Variants in CSNK1A1 observed in about 807,000 individuals in gnomAD.
The protein encoded by CSNK1A1 is casein kinase 1 alpha 1.
In CSNK1A1, 7 loss-of-function variants were observed where a neutral mutation model predicts 46.1. The observed-to-expected ratio is 0.15, with a 90% confidence interval of 0.09 to 0.29. The LOEUF is 0.29. CSNK1A1 is among the 10% of genes least tolerant of loss of function. CSNK1A1 has a pLI of 1.00. For missense variants in CSNK1A1, 96 were observed against 417.1 expected, an observed-to-expected ratio of 0.23 and a Z score of 6.71; for synonymous variants, 137 against 141.5, an observed-to-expected ratio of 0.97 and a Z score of 0.23.
At chr5:149,515,721 T>G (rs1460137897) in intron 4 of CSNK1A1, among the ~76,000 whole-genome samples, 1 of 152,184 alleles carries the variant, frequency 6.6e-6, no homozygotes, top group Non-Finnish European at 1.5e-5. Flanking sequence ...GCTTTGCTGT[T>G]TAAAACTAAT....
At chr5:149,548,519 G>T (rs1762550744) in intron 2 of CSNK1A1, among the ~76,000 whole-genome samples, 1 of 148,442 alleles carries the variant, frequency 6.7e-6, no homozygotes, top group Non-Finnish European at 1.5e-5. Context: ...GTTAGCCAAG[G>T]TTGCGCCACT....
In CSNK1A1 at chr5:149,503,045, C is replaced by T. The variant is rs369893645; in HGVS notation, c.1006+2402G>A. 1.5e-4 allele frequency: 146 copies of T among 982,540 alleles called. 1 individual carries two copies. In the South Asian group the frequency reaches 4.2e-3, roughly 29 times the overall value. The allele number at this position is 982,540 out of a possible 1,614,324, so 60.9% of individuals were successfully genotyped here. A position where few individuals can be genotyped will look rare whatever the true frequency, so the allele number is the denominator to read the frequency against. The stretch of plus-strand genomic sequence containing the variant: ...CCTCTCAAAGTGCTGGGATAACAGG[C>T]GTGAGCCACTGCACCCAGCTGAGTT... On this transcript the variant is annotated intron_variant, in intron 9 of 9. Coordinates refer to ENST00000377843, the MANE Select transcript of CSNK1A1 (RefSeq NM_001892.6).
chr5:149,549,245 T>C (rs1762582202), intron 2 of CSNK1A1: 1 of 494,352 alleles, frequency 2.0e-6, no homozygotes, highest in African/African-American at 1.9e-5. Flanking sequence ...TTAACATAGT[T>C]GGTGCTGCTC....
intron 9 of CSNK1A1, chr5:149,503,709 T>C: frequency 5.1e-6 from 5 of 985,394 alleles, no homozygotes; most frequent in South Asian, 4.7e-5. Flanking sequence ...AAGACATGGA[T>C]AGGGCAGGAC....
intron 7 of CSNK1A1, 88 bp downstream of exon 7, chr5:149,509,791 T>C (rs1761158268): frequency 1.1e-6 from 1 of 925,946 alleles, no homozygotes; most frequent in Non-Finnish European, 1.6e-6. Context: ...ACCTACTGCC[T>C]TGGCCTCCCA....
intron 6 of CSNK1A1, among the ~76,000 whole-genome samples, chr5:149,510,611 T>A (rs1176935280): frequency 6.6e-6 from 1 of 151,998 alleles, no homozygotes; most frequent in South Asian, 2.1e-4. Context: ...CCTGAGTAAT[T>A]GGGGCTACAG....
At position 149,493,592 on chromosome 5, in the gene CSNK1A1, GC is replaced by G. The variant is rs1315566316; in HGVS notation, c.*3260del. 6.0e-5 allele frequency: 9 copies of G among 150,626 alleles called. No individual in the cohort carries two copies. The highest frequency in any genetic ancestry group is 3.4e-3 in the Middle Eastern group (1 of 292). 9.3% of individuals were successfully genotyped at this position (150,626 alleles called of 1,614,324 possible). Reference sequence around the variant, plus strand: ...TAGATCAATTTACACTTGGTTCATCGCCATCTTTGGCTGTTTCAAACATACA... The same window carrying G: ...TAGATCAATTTACACTTGGTTCATCGCATCTTTGGCTGTTTCAAACATACA... On this transcript the variant is annotated 3_prime_UTR_variant, in exon 10 of 10. Transcript: ENST00000377843.
At chr5:149,546,812 TAATTC>T (rs1424723292) in intron 2 of CSNK1A1, among the ~76,000 whole-genome samples, 1 of 152,220 alleles carries the variant, frequency 6.6e-6, no homozygotes, top group Admixed American at 6.5e-5. Context: ...ATAGTCAACT[TAATTC>T]AATACTTTCC....
At chr5:149,524,717 A>G (rs983041769) in intron 3 of CSNK1A1, among the ~76,000 whole-genome samples, 2 of 152,184 alleles carry the variant, frequency 1.3e-5, no homozygotes, top group African/African-American at 2.4e-5. Context: ...CAAAATGTCA[A>G]TAAACATTTA....
At chr5:149,504,219 T>C in intron 9 of CSNK1A1, 2 of 985,430 alleles carry the variant, frequency 2.0e-6, no homozygotes, top group Non-Finnish European at 2.4e-6. Context: ...ACCTTCAACT[T>C]TGAATCCTTC....
chr5:149,498,765 C>T (rs1209029071), intron 9 of CSNK1A1: 2 of 985,056 alleles, frequency 2.0e-6, no homozygotes, highest in Non-Finnish European at 2.4e-6. Flanking sequence ...GGTGAATATA[C>T]CAAATGGCTT....
intron 6 of CSNK1A1, 148 bp from the exon 7 acceptor site, chr5:149,510,101 TA>T (rs199901240): frequency 7.5e-5 from 38 of 508,332 alleles, no homozygotes; most frequent in East Asian, 4.6e-4. Context: ...ATAATACATC[TA>T]AAAAAAATTT....
intron 5 of CSNK1A1, among the ~76,000 whole-genome samples, chr5:149,512,719 C>T (rs910745158): frequency 3.3e-5 from 5 of 152,162 alleles, no homozygotes; most frequent in African/African-American, 1.2e-4. Context: ...GCATTCTTCC[C>T]AAACTCAGCG....
chr5:149,528,582 A>G (rs1381413270), intron 2 of CSNK1A1, among the ~76,000 whole-genome samples: 3 of 152,086 alleles, frequency 2.0e-5, no homozygotes, highest in Admixed American at 6.5e-5. Context: ...CTTCACCTCC[A>G]TGCTTCCCAC....
At chr5:149,520,485 CAAAGACAGCGCT>C in intron 3 of CSNK1A1, 97 bp from the exon 4 acceptor site, 1 of 682,804 alleles carries the variant, frequency 1.5e-6, no homozygotes, top group Admixed American at 2.6e-5. Flanking sequence ...TTAGAGTTCA[CAAAGACAGCGCT>C]AAAGAAAATG....
chr5:149,538,469 C>T (rs963631712), intron 2 of CSNK1A1, among the ~76,000 whole-genome samples: 37 of 152,014 alleles, frequency 2.4e-4, no homozygotes, highest in African/African-American at 8.7e-4. Context: ...TCAGAGCTCT[C>T]GTTTGAAGAA....
At chr5:149,510,472 T>TTTTG (rs1011819061) in intron 6 of CSNK1A1, among the ~76,000 whole-genome samples, 6 of 151,834 alleles carry the variant, frequency 4.0e-5, no homozygotes, top group African/African-American at 1.5e-4. Flanking sequence ...TTCTTTGTTT[T>TTTTG]TTTGTTTGTT....
chr5:149,543,892 C>T lies in CSNK1A1; in HGVS notation c.230+6183G>A, dbSNP rs535382099. Among the ~76,000 whole-genome samples the T allele has an allele frequency of 9.2e-5, 14 of 151,948 alleles. No individual in the cohort carries two copies. The East Asian group carries it at 2.7e-3, about 29-fold the overall frequency. On this transcript the variant is annotated intron_variant, in intron 2 of 9. Transcript: ENST00000377843. Reference sequence around the variant, plus strand: ...CTCCGCCCGGGTGACAGAGCAAGAACCTGCCGCTAAAAATAAAAATAATAA... The same window carrying T: ...CTCCGCCCGGGTGACAGAGCAAGAATCTGCCGCTAAAAATAAAAATAATAA...
chr5:149,500,434 G>A (rs1395515641), intron 9 of CSNK1A1, among the ~76,000 whole-genome samples: 1 of 151,736 alleles, frequency 6.6e-6, no homozygotes, highest in African/African-American at 2.4e-5. Flanking sequence ...ACCGCGCCCG[G>A]CCCCAGCTAC....
Sources: allele counts gnomAD v4.1 joint callset (sites outside exome capture counted in the v4.1 genomes callset), GRCh38; gene constraint gnomAD v4.1.1; transcripts MANE v1.5; gene names NCBI Gene and HGNC (gene_info 2026-07-23, HGNC 2026-07-21).